The following CBY2 variants were observed in gnomAD, a reference collection of about 807,000 sequenced individuals.
The protein encoded by CBY2 is protein chibby homolog 2.
CBY2 carries 23 observed loss-of-function variants against 25.3 expected under a neutral mutation model. That is an observed-to-expected ratio of 0.91 (90% confidence interval 0.65 to 1.29). The LOEUF (loss-of-function observed/expected upper bound fraction) is 1.29. CBY2 is among the 50% of genes most tolerant of loss of function. The pLI, the probability that CBY2 is intolerant of heterozygous loss-of-function variation, is 0.00. For missense variants in CBY2, 642 were observed against 590.7 expected, an observed-to-expected ratio of 1.09 and a Z score of -0.90; for synonymous variants, 279 against 260.2, an observed-to-expected ratio of 1.07 and a Z score of -0.70.
At chr13:45,703,457 T>C (rs1950222473) in intron 2 of CBY2, 4 of 1,544,780 alleles carry the variant, frequency 2.6e-6, no homozygotes, top group Admixed American at 2.0e-5. Context: ...GTCCTCTTGA[T>C]TGAATTGTTT....
At position 45,713,998 on chromosome 13, in the gene CBY2, C is replaced by G. The variant is rs1219848521; in HGVS notation, c.973C>G (p.Arg325Gly). The G allele has an allele frequency of 2.7e-6, 4 of 1,495,466 alleles. No individual in the cohort carries two copies. In the Admixed American group the frequency reaches 9.8e-5, roughly 37 times the overall value. 92.6% of individuals were successfully genotyped at this position (1,495,466 alleles called of 1,614,324 possible). A position where few individuals can be genotyped will look rare whatever the true frequency, so the allele number is the denominator to read the frequency against. ...CCGGCAGGAGGACTCCAAGGAGCTG[C>G]GCGCCCTGCGGAAGATGGTCAGCAA... ...PARQEDSKEL[R>G]ALRKMVSNMS... Residue 325 changes from arginine to glycine, a missense_variant, in exon 3 of 3, where the codon CGC (arginine) becomes GGC (glycine). By Grantham distance (125) the Arg-to-Gly change is moderately radical. Transcript: ENST00000310521. This position sits in a 1 kb window ranked among gnomAD's most constrained non-coding sequence, Gnocchi z 5.0.
Position 45,714,121 on chromosome 13 carries a change from C to T in CBY2, c.1096C>T (p.Leu366=). 1 of 1,576,344 alleles carries T rather than the reference C, an allele frequency of 6.3e-7. No homozygotes were observed. Among genetic ancestry groups the T allele is most frequent in the Non-Finnish European group, 8.6e-7 (1 of 1,160,094 alleles). ...GCTGCTGAGAGAGATGAGGCAGGCG[C>T]TGCAGGCCCTGCTCAAGGAGAACCG... is the stretch of plus-strand genomic sequence containing the variant. ...LQLLREMRQA[L]QALLKENRLL... is the part of the protein sequence containing the mutation. The change falls in exon 3 of 3, where the codon CTG becomes TTG. Residue 366 remains leucine, a synonymous_variant. Coordinates refer to ENST00000310521, the MANE Select transcript of CBY2 (RefSeq NM_152719.3).
At chr13:45,703,152 G>A (rs887565015) in intron 2 of CBY2, 10 of 1,252,520 alleles carry the variant, frequency 8.0e-6, no homozygotes, top group Non-Finnish European at 1.0e-5. Flanking sequence ...TTCTCAAAAC[G>A]AGATCTTTTG....
chr13:45,702,675 G>T (rs1179435892), intron 1 of CBY2, 100 bp from the exon 2 acceptor site: 5 of 1,020,190 alleles, frequency 4.9e-6, no homozygotes, highest in Non-Finnish European at 7.5e-6. Flanking sequence ...TGACAAGAGA[G>T]AAATAAATGA....
intron 2 of CBY2, among the ~76,000 whole-genome samples, chr13:45,709,053 T>C (rs1189076417): frequency 6.6e-6 from 1 of 152,178 alleles, no homozygotes; most frequent in East Asian, 1.9e-4. Flanking sequence ...GCTGGGGCCA[T>C]AGTGGTGCCA....
rs543299884 is a variant in CBY2, at chr13:45,703,464, G to A, written c.156+609G>A. The A allele has an allele frequency of 2.0e-5, 31 of 1,546,864 alleles. No homozygotes were observed. In the East Asian group the frequency reaches 6.9e-4, roughly 34 times the overall value. On this transcript the variant is annotated intron_variant, in intron 2 of 2. Coordinates refer to ENST00000310521, the MANE Select transcript of CBY2 (RefSeq NM_152719.3). ...TTAGTGGAGTCCTCTTGATTGAATT[G>A]TTTCTACTGCTGCTATGTCACAAAG...
chr13:45,703,640 C>A (rs1950223973), intron 2 of CBY2: 4 of 1,444,760 alleles, frequency 2.8e-6, no homozygotes, highest in South Asian at 1.2e-5. Flanking sequence ...GAGGATTGAC[C>A]ACTGGTGGGC....
Position 45,713,073 on chromosome 13 carries a change from CCAGA to C in CBY2, c.157-106_157-103del, listed in dbSNP as rs1366457677. ...AGCAAAAGCGCCCACTGTGGCCAGG[CCAGA>C]CAATCAGACGGGGCTTATTTGGGGA... On this transcript the variant is annotated intron_variant, in intron 2 of 2. Coordinates refer to ENST00000310521, the MANE Select transcript of CBY2 (RefSeq NM_152719.3). The surrounding 1 kb of genome is among the most constrained non-coding windows in gnomAD (Gnocchi z 5.0). 23 of 900,480 alleles carry C rather than the reference CCAGA, an allele frequency of 2.6e-5. No individual in the cohort carries two copies. The highest frequency in any genetic ancestry group is 1.2e-4 in the South Asian group (7 of 57,336). The allele number at this position is 900,480 out of a possible 1,614,324, so 55.8% of individuals were successfully genotyped here.
chr13:45,713,290 T>A lies in CBY2; in HGVS notation c.265T>A (p.Ser89Thr). 1 of 1,614,000 alleles carries A rather than the reference T, an allele frequency of 6.2e-7. No homozygotes were observed. Among genetic ancestry groups the A allele is most frequent in the Non-Finnish European group, 8.5e-7 (1 of 1,180,008 alleles). The change falls in exon 3 of 3, where the codon TCC becomes ACC. Residue 89 changes from serine to threonine, a missense_variant. Transcript: ENST00000310521. This position sits in a 1 kb window ranked among gnomAD's most constrained non-coding sequence, Gnocchi z 5.0. ...RLSRRMASQH[S>T]YPLNRFSSVP... is the part of the protein sequence containing the mutation. ...GAGCCGCAGGATGGCGAGCCAGCAC[T>A]CCTATCCACTGAACCGCTTCTCCTC...
chr13:45,709,276 A>C (rs1227529168), intron 2 of CBY2, among the ~76,000 whole-genome samples: 37 of 152,306 alleles, frequency 2.4e-4, no homozygotes. Flanking sequence ...GGTTTTGTTT[A>C]GTGTATTTCT....
chr13:45,702,965 G>A, intron 2 of CBY2, 110 bp downstream of exon 2: 1 of 1,164,302 alleles, frequency 8.6e-7, no homozygotes, highest in Non-Finnish European at 1.2e-6. Flanking sequence ...AGATAGTCAG[G>A]GCTTCAGATT....
intron 2 of CBY2, chr13:45,703,667 T>C: frequency 7.8e-7 from 1 of 1,275,252 alleles, no homozygotes; most frequent in Non-Finnish European, 1.1e-6. Context: ...TATATATAAT[T>C]GTAACAATCT....
At chr13:45,710,620 C>T (rs1485437006) in intron 2 of CBY2, among the ~76,000 whole-genome samples, 1 of 152,206 alleles carries the variant, frequency 6.6e-6, no homozygotes, top group Non-Finnish European at 1.5e-5. Flanking sequence ...GATCTCAGGA[C>T]CTTAAACCTA....
chr13:45,702,788 A>T lies in CBY2; in HGVS notation c.89A>T (p.Asn30Ile), dbSNP rs902963379. The T allele has an allele frequency of 6.2e-7, 1 of 1,613,978 alleles. No homozygotes were observed. Among genetic ancestry groups the T allele is most frequent in the Non-Finnish European group, 8.5e-7 (1 of 1,179,970 alleles). Residue 30 changes from asparagine (N) to isoleucine (I), a missense_variant, in exon 2 of 3, where the codon AAT (asparagine) becomes ATT (isoleucine). Physicochemically the swap from Asn to Ile is moderately radical, Grantham distance 149 (BLOSUM62 -3). Transcript: ENST00000310521. ...TCGTTTCCACAGCACTCAAGGCCAA[A>T]TTATACAAGAAAAAGAGATACCAGA... ...TWQLTLHSRP[N>I]YTRKRDTRSE... is the part of the protein sequence containing the mutation.
In CBY2 at chr13:45,714,325, T is replaced by C. The variant is rs756352292; in HGVS notation, c.1300T>C (p.Phe434Leu). 1 of 1,612,160 alleles carries C rather than the reference T, an allele frequency of 6.2e-7. No individual in the cohort carries two copies. Among genetic ancestry groups the C allele is most frequent in the Non-Finnish European group, 8.5e-7 (1 of 1,179,332 alleles). ...AATGCTCATCGAGGAGCTCTACGCC[T>C]TCATGCCGGCCAGGAGCCAGGACCC... ...MEMLIEELYA[F>L]MPARSQDPKK... The change falls in exon 3 of 3, where the codon TTC (phenylalanine) becomes CTC (leucine). Residue 434 changes from phenylalanine to leucine, a missense_variant. Phe to Leu is a conservative substitution (Grantham distance 22). Coordinates refer to ENST00000310521, the MANE Select transcript of CBY2 (RefSeq NM_152719.3).
In CBY2 at chr13:45,703,160, T is replaced by C. The variant is rs1012747304; in HGVS notation, c.156+305T>C. ...CCCAGCCTTCTCAAAACGAGATCTT[T>C]TGGTGCTTAGTGTTGTGCAATCACT... is the stretch of plus-strand genomic sequence containing the variant. On this transcript the variant is annotated intron_variant, in intron 2 of 2. Transcript: ENST00000310521. The C allele has an allele frequency of 2.4e-6, 3 of 1,254,418 alleles. No individual in the cohort carries two copies. In the African/African-American group the frequency reaches 4.5e-5, roughly 19 times the overall value. The allele number at this position is 1,254,418 out of a possible 1,614,324, so 77.7% of individuals were successfully genotyped here. A position where few individuals can be genotyped will look rare whatever the true frequency, so the allele number is the denominator to read the frequency against.
intron 2 of CBY2, among the ~76,000 whole-genome samples, chr13:45,709,088 C>T (rs1369211255): frequency 6.6e-6 from 1 of 152,058 alleles, no homozygotes; most frequent in African/African-American, 2.4e-5. Flanking sequence ...ATCCACTGGA[C>T]CAGAGACAGT....
intron 2 of CBY2, among the ~76,000 whole-genome samples, chr13:45,706,413 A>G (rs898340202): frequency 6.6e-6 from 1 of 152,170 alleles, no homozygotes; most frequent in Non-Finnish European, 1.5e-5. Flanking sequence ...TCACTAATGC[A>G]TCATTGGGTT....
rs749978979 is a variant in CBY2, at chr13:45,714,071, T to G, written c.1046T>G (p.Leu349Arg). 3.9e-5 allele frequency: 59 copies of G among 1,523,484 alleles called. No individual in the cohort carries two copies. Among genetic ancestry groups the G allele is most frequent in the Non-Finnish European group, 4.8e-5 (55 of 1,134,246 alleles). The allele number at this position is 1,523,484 out of a possible 1,614,324, so 94.4% of individuals were successfully genotyped here. A position where few individuals can be genotyped will look rare whatever the true frequency, so the allele number is the denominator to read the frequency against. ...GEEEAKVGPG[L>R]PDGCQPLQLL... ...GAGGAGGCCAAGGTGGGCCCGGGCC[T>G]GCCCGACGGCTGCCAGCCCCTGCAG... Residue 349 changes from leucine to arginine, a missense_variant, in exon 3 of 3, where the codon CTG becomes CGG. Transcript: ENST00000310521.
Sources: gnomAD v4.1 joint callset for allele counts (sites outside exome capture counted in the v4.1 genomes callset) on GRCh38, gnomAD v4.1.1 for gene constraint, Gnocchi (gnomAD v3.1) non-coding constraint, MANE v1.5 for transcripts, NCBI Gene and HGNC (gene_info 2026-07-23, HGNC 2026-07-21) for gene names.